The following PRKG1 variants were observed in gnomAD, a reference collection of about 807,000 sequenced individuals.
PRKG1 encodes the protein protein kinase cGMP-dependent 1, also known as cGMP-dependent protein kinase 1.
A neutral mutation model predicts 88.1 loss-of-function variants in PRKG1; 35 were observed. The observed-to-expected ratio is 0.40, with a 90% CI of 0.30 to 0.53. PRKG1 has a LOEUF of 0.53. Among genes scored for constraint, PRKG1 ranks in the 20% least tolerant of loss-of-function variants. The pLI is 0.59. For missense variants in PRKG1, 540 were observed against 839.8 expected (o/e 0.64, Z 4.41); for synonymous variants, 303 against 292.5 (o/e 1.04, Z -0.37).
chr10:52,025,068 C>T (rs954211334), intron 5 of PRKG1, among the ~76,000 whole-genome samples: 14 of 152,212 alleles, frequency 9.2e-5, no homozygotes, highest in African/African-American at 2.9e-4. Flanking sequence ...ATTTCCATTT[C>T]TCTGATGACC....
At chr10:51,577,861 G>A (rs1001409533) in intron 3 of PRKG1, among the ~76,000 whole-genome samples, 4 of 151,982 alleles carry the variant, frequency 2.6e-5, no homozygotes, top group Non-Finnish European at 4.4e-5. Context: ...TGGTATTTCC[G>A]TGCTTCCTGG....
chr10:51,323,391 G>A (rs1841503916), intron 2 of PRKG1, among the ~76,000 whole-genome samples: 1 of 152,168 alleles, frequency 6.6e-6, no homozygotes, highest in Non-Finnish European at 1.5e-5. Flanking sequence ...GGATAAAAGT[G>A]TAAGCTCCAG....
intron 7 of PRKG1, among the ~76,000 whole-genome samples, chr10:52,086,707 A>C (rs1393863558): frequency 6.6e-6 from 1 of 151,986 alleles, no homozygotes; most frequent in African/African-American, 2.4e-5. Context: ...GTGTTTATGT[A>C]CCCTAATTCC....
chr10:51,588,942 G>C (rs7896528), intron 3 of PRKG1, among the ~76,000 whole-genome samples: 11,210 of 151,038 alleles, frequency 0.074, 1,374 homozygotes, highest in African/African-American at 0.26. Context: ...ATATACAAAA[G>C]TTTTAGATAG....
chr10:51,884,048 A>T (rs569722286), intron 4 of PRKG1, among the ~76,000 whole-genome samples: 2 of 148,160 alleles, frequency 1.3e-5, no homozygotes, highest in Non-Finnish European at 3.0e-5. Context: ...AAAAAAAAGA[A>T]GCTTTTGCCA....
intron 3 of PRKG1, among the ~76,000 whole-genome samples, chr10:51,630,432 G>T (rs1488617669): frequency 6.6e-6 from 1 of 152,142 alleles, no homozygotes; most frequent in African/African-American, 2.4e-5. Flanking sequence ...AAACCAGAAA[G>T]CCAACCAGTC....
intron 5 of PRKG1, among the ~76,000 whole-genome samples, chr10:52,022,609 A>G (rs1845214519): frequency 6.6e-6 from 1 of 152,194 alleles, no homozygotes; most frequent in Non-Finnish European, 1.5e-5. Flanking sequence ...GCAGAATAAT[A>G]TGAAAGAATA....
At chr10:52,134,293 T>G (rs974052846) in intron 8 of PRKG1, among the ~76,000 whole-genome samples, 3 of 152,314 alleles carry the variant, frequency 2.0e-5, no homozygotes, top group African/African-American at 7.2e-5. Context: ...CCATTTTTGT[T>G]AAGAAATGGG....
At chr10:51,811,163 T>C (rs966129002) in intron 4 of PRKG1, among the ~76,000 whole-genome samples, 2 of 152,140 alleles carry the variant, frequency 1.3e-5, no homozygotes, top group Non-Finnish European at 2.9e-5. Context: ...TCATAGTTTG[T>C]TTTCTGATGG....
intron 3 of PRKG1, among the ~76,000 whole-genome samples, chr10:51,672,436 T>G (rs1482530232): frequency 2.6e-5 from 4 of 152,148 alleles, no homozygotes; most frequent in Non-Finnish European, 5.9e-5. Context: ...TAGAATTTCT[T>G]TTTTACATTT....
intron 9 of PRKG1, among the ~76,000 whole-genome samples, chr10:52,213,245 G>A (rs1194497): frequency 0.99 from 150,696 of 152,294 alleles, 74,574 homozygotes; most frequent in Middle Eastern, 1. Flanking sequence ...GTTGACTTTT[G>A]ATAGCTTTAC....
rs57091312 is a variant in PRKG1 at position 51,735,671 on chromosome 10, A to G, written c.593-68914A>G. On this transcript the variant is annotated intron_variant, in intron 3 of 17. Coordinates refer to ENST00000373980, the MANE Select transcript of PRKG1 (RefSeq NM_006258.4). ...ATAACTTATGCCAACCCTTCTGTAT[A>G]CTTTAAATTATCTCGAGTAGTTATA... Among the ~76,000 whole-genome samples, 8 of 152,140 alleles carry G rather than the reference A, an allele frequency of 5.3e-5. No individual in the cohort carries two copies. In the East Asian group the frequency reaches 1.5e-3, roughly 29 times the overall value.
chr10:51,628,592 C>A (rs965922544), intron 3 of PRKG1, among the ~76,000 whole-genome samples: 1 of 152,182 alleles, frequency 6.6e-6, no homozygotes, highest in African/African-American at 2.4e-5. Context: ...TATTTCTTTT[C>A]TCCATTTAGT....
At chr10:51,667,999 C>T (rs2132342577) in intron 3 of PRKG1, among the ~76,000 whole-genome samples, 1 of 152,092 alleles carries the variant, frequency 6.6e-6, no homozygotes, top group South Asian at 2.1e-4. Flanking sequence ...CCATTGAATG[C>T]CTCTTAAATC....
chr10:52,009,130 C>T (rs945940485), intron 5 of PRKG1, among the ~76,000 whole-genome samples: 2 of 152,108 alleles, frequency 1.3e-5, no homozygotes, highest in Non-Finnish European at 1.5e-5. Flanking sequence ...TGTGCCCTCT[C>T]TCACCACTCC....
intron 2 of PRKG1, among the ~76,000 whole-genome samples, chr10:51,191,711 G>A (rs1023344341): frequency 5.9e-5 from 9 of 151,790 alleles, no homozygotes; most frequent in African/African-American, 2.2e-4. Flanking sequence ...GAGGCTTAGA[G>A]GTATTCAGCA....
intron 3 of PRKG1, among the ~76,000 whole-genome samples, chr10:51,746,765 AAAAAG>A (rs542475929): frequency 1.3e-5 from 2 of 151,982 alleles, no homozygotes; most frequent in African/African-American, 4.8e-5. Flanking sequence ...AGAAAGAAAA[AAAAAG>A]AAAAGAAAAG....
At chr10:52,060,327 G>T (rs980803629) in intron 6 of PRKG1, among the ~76,000 whole-genome samples, 2 of 151,636 alleles carry the variant, frequency 1.3e-5, no homozygotes, top group Admixed American at 1.3e-4. Flanking sequence ...TATTATCTTG[G>T]GATAAGAAAG....
At chr10:51,221,102 C>T (rs1838516780) in intron 2 of PRKG1, among the ~76,000 whole-genome samples, 1 of 151,840 alleles carries the variant, frequency 6.6e-6, no homozygotes, top group African/African-American at 2.4e-5. Context: ...AATACACTTG[C>T]TTTAGCAAAG....
Sources: allele counts gnomAD v4.1 joint callset (sites outside exome capture counted in the v4.1 genomes callset), GRCh38; gene constraint gnomAD v4.1.1; transcripts MANE v1.5; gene names NCBI Gene and HGNC (gene_info 2026-07-23, HGNC 2026-07-21).